The following DOCK10 variants were observed in gnomAD, a reference collection of about 807,000 sequenced individuals.
DOCK10 encodes dedicator of cytokinesis protein 10.
In DOCK10, 145 loss-of-function variants were observed where a neutral mutation model predicts 280.1. That is an observed-to-expected ratio of 0.52 (90% CI 0.45 to 0.59). The LOEUF is 0.59. Among genes scored for constraint, DOCK10 ranks in the 20% least tolerant of loss-of-function variants. The pLI is 0.00. For synonymous variants in DOCK10, 915 were observed against 942.2 expected (o/e 0.97, Z 0.53); for missense variants, 2,368 against 2,651.7 (o/e 0.89, Z 2.35).
intron 47 of DOCK10, among the ~76,000 whole-genome samples, chr2:224,789,662 C>G (rs551254757): frequency 2.0e-5 from 3 of 152,072 alleles, no homozygotes; most frequent in Non-Finnish European, 4.4e-5. Flanking sequence ...ATTGCTTGAG[C>G]CTAGGAGTTT....
chr2:224,893,264 T>G (rs1043056342), intron 4 of DOCK10: 1 of 155,174 alleles, frequency 6.4e-6, no homozygotes, highest in African/African-American at 2.4e-5. Flanking sequence ...AGATAATGCA[T>G]GTATGACACC....
At chr2:224,974,441 C>CA (rs545180882) in intron 1 of DOCK10, among the ~76,000 whole-genome samples, 104 of 152,096 alleles carry the variant, frequency 6.8e-4, no homozygotes, top group African/African-American at 2.3e-3. Context: ...TGAAGGCTGA[C>CA]AAAAATACTG....
intron 53 of DOCK10, among the ~76,000 whole-genome samples, chr2:224,772,165 T>C (rs982901376): frequency 1.3e-5 from 2 of 151,986 alleles, no homozygotes; most frequent in African/African-American, 2.4e-5. Flanking sequence ...AAGTGATCCA[T>C]CCATCTCGGC....
In DOCK10 at chr2:224,921,092, T is replaced by TA. The variant is rs781152272; in HGVS notation, c.244-4309dup. On this transcript the variant is annotated intron_variant, in intron 2 of 55. Coordinates refer to ENST00000258390, the MANE Select transcript of DOCK10 (RefSeq NM_014689.3). ...CAACATGGGAAAACACCGTCTCTAT[T>TA]AAAAAAAAAAAAAAAAAAAAATATA... is the stretch of plus-strand genomic sequence containing the variant. 1.6e-3 allele frequency among the ~76,000 whole-genome samples: 97 copies of TA among 59,480 alleles called. 3 individuals carry two copies. Among genetic ancestry groups the TA allele is most frequent in the South Asian group, 3.8e-3 (7 of 1,822 alleles). 39.0% of individuals were successfully genotyped at this position (59,480 alleles called of 152,430 possible). A position where few individuals can be genotyped will look rare whatever the true frequency, so the allele number is the denominator to read the frequency against.
intron 1 of DOCK10, among the ~76,000 whole-genome samples, chr2:224,952,019 C>G (rs1209190962): frequency 6.6e-6 from 1 of 152,158 alleles, no homozygotes; most frequent in African/African-American, 2.4e-5. Flanking sequence ...ATCTCTTCTT[C>G]TGTATCTCTC....
At chr2:224,828,077 T>C (rs1360372849) in intron 27 of DOCK10, among the ~76,000 whole-genome samples, 1 of 152,050 alleles carries the variant, frequency 6.6e-6, no homozygotes. Context: ...CCTTGAGGAG[T>C]TGTCCCGCCT....
Position 225,035,572 on chromosome 2 carries a change from A to ATATTATATATATATATATATATAT in DOCK10, c.123+6679_123+6680insATATATATATATATATATATAATA, listed in dbSNP as rs71062971. 7.9e-4 allele frequency among the ~76,000 whole-genome samples: 55 copies of ATATTATATATATATATATATATAT among 69,960 alleles called. 1 individual carries two copies. The highest frequency in any genetic ancestry group is 1.3e-3 in the Admixed American group (8 of 5,928). The allele number at this position is 69,960 out of a possible 152,430, so 45.9% of individuals were successfully genotyped here. A position where few individuals can be genotyped will look rare whatever the true frequency, so the allele number is the denominator to read the frequency against. ...TATATATATATATATATATATATAT[A>ATATTATATATATATATATATATAT]TATATATATATATATAACACTGAAT... On this transcript the variant is annotated intron_variant, in intron 1 of 55. Transcript: ENST00000258390.
chr2:224,781,622 T>A (rs1691345203), intron 50 of DOCK10, among the ~76,000 whole-genome samples: 1 of 152,242 alleles, frequency 6.6e-6, no homozygotes, highest in Non-Finnish European at 1.5e-5. Flanking sequence ...GCCCCAAGGT[T>A]ATAAGCTGAC....
In DOCK10 at chr2:224,834,272, A is replaced by C. The variant is rs1381043254; in HGVS notation, c.2851-9T>G. On this transcript the variant is annotated splice_polypyrimidine_tract_variant and intron_variant, in intron 25 of 55. Transcript: ENST00000258390. Reference sequence around the variant, plus strand: ...CTGGTCTTGAACACGAACTGAAGAAAATCCAAAAAGTGAATAAAGTTAAAT... The same window carrying C: ...CTGGTCTTGAACACGAACTGAAGAACATCCAAAAAGTGAATAAAGTTAAAT... 6.6e-7 allele frequency: 1 copy of C among 1,509,318 alleles called. No homozygotes were observed. Among genetic ancestry groups the C allele is most frequent in the Non-Finnish European group, 9.2e-7 (1 of 1,088,154 alleles). 93.5% of individuals were successfully genotyped at this position (1,509,318 alleles called of 1,614,324 possible). A position where few individuals can be genotyped will look rare whatever the true frequency, so the allele number is the denominator to read the frequency against.
rs372628419 is a variant in DOCK10, at chr2:224,886,215, C to T, written c.490-30G>A. The T allele has an allele frequency of 1.4e-4, 227 of 1,613,204 alleles. No homozygotes were observed. The African/African-American group carries it at 2.8e-3, about 20-fold the overall frequency. The stretch of plus-strand genomic sequence containing the variant: ...AGGAAAGGCATAGTAGCATGACAGC[C>T]ATCTTTTGTGGATCCTAGATCCTAG... On this transcript the variant is annotated intron_variant, in intron 5 of 55. Transcript: ENST00000258390.
chr2:224,864,306 G>A (rs1018956613), intron 13 of DOCK10, among the ~76,000 whole-genome samples: 4 of 152,072 alleles, frequency 2.6e-5, no homozygotes, highest in Admixed American at 6.5e-5. Flanking sequence ...TCAGGAGTTC[G>A]AGACCAGCCT....
rs777581178 is a variant in DOCK10, at chr2:224,793,418, C to A, written c.5194G>T (p.Glu1732Ter). The change falls in exon 46 of 56, where the codon GAG (glutamate) becomes TAG (stop). Residue 1732 changes from glutamate (E) to a stop codon, truncating the protein, a stop_gained. Coordinates refer to ENST00000258390, the MANE Select transcript of DOCK10 (RefSeq NM_014689.3). LOFTEE classifies it high-confidence loss of function. The stretch of plus-strand genomic sequence containing the variant: ...ATCTTACCCTTTCTTTTCAGATACT[C>A]TGCAATGAGAGCAGCAATATGGATG... ...CYIHIAALIA[E>*]YLKRKGYWKV... The A allele has an allele frequency of 6.2e-7, 1 of 1,613,508 alleles. No individual in the cohort carries two copies. The highest frequency in any genetic ancestry group is 8.5e-7 in the Non-Finnish European group (1 of 1,179,662).
intron 53 of DOCK10, among the ~76,000 whole-genome samples, chr2:224,771,617 G>T (rs1036116099): frequency 6.6e-6 from 1 of 152,216 alleles, no homozygotes; most frequent in Non-Finnish European, 1.5e-5. Flanking sequence ...TGGCTGTCAG[G>T]CTTGGGAAGG....
chr2:224,814,366 T>C lies in DOCK10; in HGVS notation c.3365-2A>G. 6.6e-7 allele frequency: 1 copy of C among 1,519,008 alleles called. No individual in the cohort carries two copies. The highest frequency in any genetic ancestry group is 8.8e-7 in the Non-Finnish European group (1 of 1,130,046). 94.1% of individuals were successfully genotyped at this position (1,519,008 alleles called of 1,614,324 possible). A position where few individuals can be genotyped will look rare whatever the true frequency, so the allele number is the denominator to read the frequency against. On this transcript the variant is annotated splice_acceptor_variant, in intron 30 of 55. Coordinates refer to ENST00000258390, the MANE Select transcript of DOCK10 (RefSeq NM_014689.3). LOFTEE classifies it high-confidence loss of function. ...TCGATTCTGAAGGTGTCAAAGGATC[T>C]GAATTTAATATAAATAAAAAGTTCA...
At chr2:224,962,498 A>G (rs900180397) in intron 1 of DOCK10, among the ~76,000 whole-genome samples, 1 of 152,210 alleles carries the variant, frequency 6.6e-6, no homozygotes, top group East Asian at 1.9e-4. Context: ...TTGTAAACAG[A>G]TTTCTAAAAG....
At chr2:224,965,441 G>T (rs1365052048) in intron 1 of DOCK10, among the ~76,000 whole-genome samples, 1 of 152,176 alleles carries the variant, frequency 6.6e-6, no homozygotes, top group African/African-American at 2.4e-5. Flanking sequence ...CTCTGAGTAT[G>T]ATTCTGTATA....
At chr2:224,849,213 A>T (rs954802284) in intron 19 of DOCK10, among the ~76,000 whole-genome samples, 8 of 152,210 alleles carry the variant, frequency 5.3e-5, no homozygotes, top group Non-Finnish European at 1.0e-4. Flanking sequence ...TGACCTTGTG[A>T]TCCGCCTGCC....
rs1172926616 is a variant in DOCK10, at chr2:224,797,156, T to G, written c.4645-10A>C. On this transcript the variant is annotated splice_polypyrimidine_tract_variant and intron_variant, in intron 42 of 55. Transcript: ENST00000258390. ...AGAACGCTGAAGGAAACTGCAGAAA[T>G]GGAAGAACGGGTGAAGGGAGCAACA... is the stretch of plus-strand genomic sequence containing the variant. 3.1e-6 allele frequency: 5 copies of G among 1,592,824 alleles called. No homozygotes were observed. The highest frequency in any genetic ancestry group is 4.3e-6 in the Non-Finnish European group (5 of 1,169,690).
In DOCK10 at chr2:224,955,594, T is replaced by C. The variant is rs551963759; in HGVS notation, c.124-23926A>G. Among the ~76,000 whole-genome samples the C allele has an allele frequency of 3.9e-5, 6 of 152,370 alleles. No homozygotes were observed. In the East Asian group the frequency reaches 7.7e-4, roughly 20 times the overall value. Reference sequence around the variant, plus strand: ...GTCTTTTAAGGCCTCCACCAGGAGATAAAGCTAATACAATACTTTGATTTA... The same window carrying C: ...GTCTTTTAAGGCCTCCACCAGGAGACAAAGCTAATACAATACTTTGATTTA... On this transcript the variant is annotated intron_variant, in intron 1 of 55. Coordinates refer to ENST00000258390, the MANE Select transcript of DOCK10 (RefSeq NM_014689.3).
Sources: allele counts gnomAD v4.1 joint callset (sites outside exome capture counted in the v4.1 genomes callset), GRCh38; gene constraint gnomAD v4.1.1; transcripts MANE v1.5; gene names NCBI Gene and HGNC (gene_info 2026-07-23, HGNC 2026-07-21).